The following MECOM variants were observed in gnomAD, a reference collection of about 807,000 sequenced individuals.
The protein encoded by MECOM is MDS1 and EVI1 complex locus, also known as histone-lysine N-methyltransferase MECOM.
MECOM carries 13 observed loss-of-function variants against 116.3 expected under a neutral mutation model. That is an observed-to-expected ratio of 0.11 (90% CI 0.07 to 0.18). MECOM has a LOEUF of 0.18. MECOM is among the 10% of genes least tolerant of loss of function. The pLI is 1.00. For missense variants in MECOM, 1,299 were observed against 1,509.0 expected, an observed-to-expected ratio of 0.86 and a Z score of 2.31; for synonymous variants, 528 against 535.2, an observed-to-expected ratio of 0.99 and a Z score of 0.19.
intron 2 of MECOM, among the ~76,000 whole-genome samples, chr3:169,212,722 C>T (rs1247428424): frequency 7.0e-6 from 1 of 143,178 alleles, no homozygotes; most frequent in Non-Finnish European, 1.5e-5. Flanking sequence ...ACTTTGTCAC[C>T]TCTCCACTAC....
At chr3:169,118,028 A>C (rs955577707) in intron 7 of MECOM, among the ~76,000 whole-genome samples, 1 of 152,224 alleles carries the variant, frequency 6.6e-6, no homozygotes, top group African/African-American at 2.4e-5. Flanking sequence ...AAAATGCAAC[A>C]GTTATTGCTT....
At chr3:169,254,410 G>A (rs1445780792) in intron 2 of MECOM, among the ~76,000 whole-genome samples, 1 of 152,134 alleles carries the variant, frequency 6.6e-6, no homozygotes, top group Non-Finnish European at 1.5e-5. Flanking sequence ...TAAGGCAGCA[G>A]ACACTCATTC....
At chr3:169,532,924 C>G (rs1214691106) in intron 1 of MECOM, among the ~76,000 whole-genome samples, 1 of 152,064 alleles carries the variant, frequency 6.6e-6, no homozygotes, top group Non-Finnish European at 1.5e-5. Context: ...CAACAAAACC[C>G]CAGAAAATAC....
At chr3:169,405,982 G>A (rs1736633202) in intron 1 of MECOM, among the ~76,000 whole-genome samples, 1 of 152,198 alleles carries the variant, frequency 6.6e-6, no homozygotes, top group East Asian at 1.9e-4. Flanking sequence ...GGAGTGTGGA[G>A]AATGTTGAAG....
At chr3:169,113,642 G>C (rs9823097) in intron 8 of MECOM, among the ~76,000 whole-genome samples, 95,935 of 151,466 alleles carry the variant, frequency 0.63, 30,558 homozygotes, top group Admixed American at 0.68. Context: ...TAAGCACATA[G>C]GGAAATAATA....
intron 1 of MECOM, among the ~76,000 whole-genome samples, chr3:169,564,495 G>A (rs1762996641): frequency 1.3e-5 from 2 of 152,178 alleles, no homozygotes; most frequent in Non-Finnish European, 2.9e-5. Flanking sequence ...AGCTATAGAT[G>A]TGATAAAATA....
intron 2 of MECOM, chr3:169,147,246 G>C: frequency 2.0e-6 from 2 of 985,590 alleles, no homozygotes; most frequent in South Asian, 9.4e-5. Context: ...GTTTGAAAAG[G>C]TGGGGGGCCT....
At chr3:169,469,596 G>A (rs1309628400) in intron 1 of MECOM, among the ~76,000 whole-genome samples, 1 of 99,172 alleles carries the variant, frequency 1.0e-5, no homozygotes, top group Non-Finnish European at 2.0e-5. Context: ...TACATTTCAA[G>A]GTGTACGTTT....
At chr3:169,103,325 C>T (rs1399645753) in intron 10 of MECOM, among the ~76,000 whole-genome samples, 1 of 151,996 alleles carries the variant, frequency 6.6e-6, no homozygotes, top group African/African-American at 2.4e-5. Context: ...CTTTGACCCT[C>T]TCAACATGTT....
At chr3:169,444,875 G>T (rs1370646116) in intron 1 of MECOM, among the ~76,000 whole-genome samples, 1 of 152,182 alleles carries the variant, frequency 6.6e-6, no homozygotes, top group African/African-American at 2.4e-5. Flanking sequence ...TGAGGAACTT[G>T]TTGGAAACTG....
intron 1 of MECOM, among the ~76,000 whole-genome samples, chr3:169,389,401 G>A (rs1733888674): frequency 6.6e-6 from 1 of 152,208 alleles, no homozygotes; most frequent in Non-Finnish European, 1.5e-5. Context: ...GGCTTATTCT[G>A]TTGTTAAGGA....
chr3:169,332,005 TAAA>T (rs10551909), intron 2 of MECOM, among the ~76,000 whole-genome samples: 36,894 of 137,466 alleles, frequency 0.27, 4,839 homozygotes, highest in Admixed American at 0.39. Context: ...CTTTTTTATT[TAAA>T]AAAAAAAAAA....
At chr3:169,275,795 T>C (rs1759505445) in intron 2 of MECOM, among the ~76,000 whole-genome samples, 1 of 152,200 alleles carries the variant, frequency 6.6e-6, no homozygotes, top group Admixed American at 6.5e-5. Context: ...GTACTCCTGA[T>C]TCTAACAAGT....
At chr3:169,450,689 G>T (rs148537011) in intron 1 of MECOM, among the ~76,000 whole-genome samples, 2 of 152,222 alleles carry the variant, frequency 1.3e-5, no homozygotes, top group African/African-American at 4.8e-5. Context: ...GAGAGAGCGT[G>T]AAAACACACA....
At chr3:169,570,098 T>C (rs1763699068) in intron 1 of MECOM, among the ~76,000 whole-genome samples, 1 of 151,806 alleles carries the variant, frequency 6.6e-6, no homozygotes, top group Non-Finnish European at 1.5e-5. Context: ...GCCAGACTAA[T>C]AAAGCAGAAA....
chr3:169,537,177 A>T (rs2109197200), intron 1 of MECOM, among the ~76,000 whole-genome samples: 1 of 152,298 alleles, frequency 6.6e-6, no homozygotes, highest in East Asian at 1.9e-4. Context: ...CAACAAGAAG[A>T]ATTATTTCCC....
At chr3:169,349,957 G>A (rs961608622) in intron 2 of MECOM, among the ~76,000 whole-genome samples, 3 of 151,686 alleles carry the variant, frequency 2.0e-5, no homozygotes, top group Non-Finnish European at 4.4e-5. Context: ...TGTTTATAAT[G>A]GCTACAATTC....
intron 1 of MECOM, among the ~76,000 whole-genome samples, chr3:169,499,124 G>A (rs1754203615): frequency 6.6e-6 from 1 of 151,568 alleles, no homozygotes; most frequent in South Asian, 2.1e-4. Context: ...ATGTTTATAT[G>A]TATACATATA....
Position 169,089,156 on chromosome 3 carries a change from T to C in MECOM, c.3429A>G (p.Gly1143=), listed in dbSNP as rs1718836959. The part of the protein sequence containing the change: ...VRYKEEEYKS[G]LSALDHIRHF... ...GCCTTATATGATCTAGAGCAGAAAG[T>C]CCACTTTTATATTCTTCCTCTTTAT... The change falls in exon 16 of 17, where the codon GGA becomes GGG. Residue 1143 remains glycine, a synonymous_variant. Transcript: ENST00000651503. 1.3e-6 allele frequency: 2 copies of C among 1,559,484 alleles called. No individual in the cohort carries two copies. The highest frequency in any genetic ancestry group is 1.7e-6 in the Non-Finnish European group (2 of 1,157,578).
Sources: allele counts gnomAD v4.1 joint callset (sites outside exome capture counted in the v4.1 genomes callset), GRCh38; gene constraint gnomAD v4.1.1; transcripts MANE v1.5; gene names NCBI Gene and HGNC (gene_info 2026-07-23, HGNC 2026-07-21).